Variants in NEMP2 observed in about 807,000 individuals in gnomAD.
NEMP2 encodes UPF0571 transmembrane protein.
Under a neutral mutation model 54.2 loss-of-function variants are expected in NEMP2, and 53 were observed. That is an observed-to-expected ratio of 0.98 (90% CI 0.78 to 1.23). NEMP2 has a LOEUF of 1.23. Ranked by LOEUF, NEMP2 falls within the 50% of genes most tolerant of loss-of-function variation. The pLI is 0.00. For synonymous variants in NEMP2, 197 were observed against 190.3 expected (o/e 1.04, Z -0.29); for missense variants, 455 against 511.3 (o/e 0.89, Z 1.06).
At chr2:190,596,041 CAT>C in the NEMP2 span, among the ~76,000 whole-genome samples, 1 of 152,100 alleles carries the variant, frequency 6.6e-6, no homozygotes, top group Non-Finnish European at 1.5e-5. This position sits in a 1 kb window ranked among gnomAD's most constrained non-coding sequence, Gnocchi z 5.1. Context: ...AAATGTGGCA[CAT>C]ATACACCATG....
At chr2:190,501,545 A>G (rs935036163), downstream of NEMP2, 1 of 152,220 alleles carries the variant, frequency 6.6e-6, no homozygotes. Context: ...ATAATTTATA[A>G]TAGCTGTGGA....
At position 190,513,357 on chromosome 2, in the gene NEMP2, A is replaced by G. The variant is rs1189700647; in HGVS notation, c.953+1096T>C. Reference sequence around the variant, plus strand: ...TTCCCACACATGAGCAATCAGCTCAAGCTGAGTGGTAACAGCCCCGTTTTC... The same window carrying G: ...TTCCCACACATGAGCAATCAGCTCAGGCTGAGTGGTAACAGCCCCGTTTTC... On this transcript the variant is annotated intron_variant, in intron 7 of 8. Coordinates refer to ENST00000409150, the MANE Select transcript of NEMP2 (RefSeq NM_001142645.2). The surrounding 1 kb of genome is among the most constrained non-coding windows in gnomAD (Gnocchi z 5.3). Among the ~76,000 whole-genome samples the G allele has an allele frequency of 2.6e-5, 4 of 152,354 alleles. No individual in the cohort carries two copies. The highest frequency in any genetic ancestry group is 9.6e-5 in the African/African-American group (4 of 41,586).
chr2:190,602,355 G>A, the NEMP2 span, among the ~76,000 whole-genome samples: 2 of 152,220 alleles, frequency 1.3e-5, no homozygotes, highest in African/African-American at 4.8e-5. Flanking sequence ...CAGACTGGAG[G>A]AGAATTCCTT....
the NEMP2 span, among the ~76,000 whole-genome samples, chr2:190,461,567 A>G: frequency 6.6e-6 from 1 of 152,200 alleles, no homozygotes; most frequent in African/African-American, 2.4e-5. This position sits in a 1 kb window ranked among gnomAD's most constrained non-coding sequence, Gnocchi z 5.5. Flanking sequence ...GCAAGATCAA[A>G]GTGTTGGCAG....
At chr2:190,578,997 C>A in the NEMP2 span, among the ~76,000 whole-genome samples, 28 of 152,136 alleles carry the variant, frequency 1.8e-4, no homozygotes, top group Admixed American at 1.8e-3. This position sits in a 1 kb window ranked among gnomAD's most constrained non-coding sequence, Gnocchi z 4.4. Flanking sequence ...CACCCTGATG[C>A]GTGCTCTTTC....
chr2:190,482,906 A>G, the NEMP2 span, among the ~76,000 whole-genome samples: 2 of 13,798 alleles, frequency 1.4e-4, no homozygotes, highest in East Asian at 4.5e-3. Context: ...TTTTTTTTAG[A>G]CGGAGTCTCA....
At chr2:190,584,241 T>A in the NEMP2 span, among the ~76,000 whole-genome samples, 1 of 152,290 alleles carries the variant, frequency 6.6e-6, no homozygotes, top group South Asian at 2.1e-4. The surrounding 1 kb of genome is among the most constrained non-coding windows in gnomAD (Gnocchi z 4.2). Context: ...AAAGGTTTTT[T>A]TCTGCAATCA....
the NEMP2 span, among the ~76,000 whole-genome samples, chr2:190,605,462 C>T: frequency 0.26 from 39,504 of 151,842 alleles, 5,701 homozygotes; most frequent in African/African-American, 0.37. Flanking sequence ...GCAACCTTCA[C>T]CTCCCAGGTT....
chr2:190,634,048 G>A, the NEMP2 span, among the ~76,000 whole-genome samples: 3 of 151,870 alleles, frequency 2.0e-5, no homozygotes, highest in African/African-American at 4.8e-5. The surrounding 1 kb of genome is among the most constrained non-coding windows in gnomAD (Gnocchi z 6.8). Flanking sequence ...CTCCAGCCTG[G>A]GCAACAAAGC....
chr2:190,445,162 C>A, the NEMP2 span, among the ~76,000 whole-genome samples: 3 of 152,088 alleles, frequency 2.0e-5, no homozygotes, highest in Middle Eastern at 3.2e-3. Context: ...CAGTTTTATT[C>A]ATCTGTAAAT....
At chr2:190,599,861 TC>T in the NEMP2 span, among the ~76,000 whole-genome samples, 1 of 151,944 alleles carries the variant, frequency 6.6e-6, no homozygotes, top group Non-Finnish European at 1.5e-5. Flanking sequence ...CAGTGCCCCA[TC>T]CCCCCATCCC....
In NEMP2 at chr2:190,507,085, AC is replaced by A. The variant is rs978184123; in HGVS notation, c.*2103del. 6.6e-6 allele frequency: 1 copy of A among 152,198 alleles called. No homozygotes were observed. Among genetic ancestry groups the A allele is most frequent in the Non-Finnish European group, 1.5e-5 (1 of 68,016 alleles). The allele number at this position is 152,198 out of a possible 1,614,324, so 9.4% of individuals were successfully genotyped here. On this transcript the variant is annotated 3_prime_UTR_variant, in exon 9 of 9. Coordinates refer to ENST00000409150, the MANE Select transcript of NEMP2 (RefSeq NM_001142645.2). This position sits in a 1 kb window ranked among gnomAD's most constrained non-coding sequence, Gnocchi z 4.4. ...AGAATTGTGATCAGTACTATAATACACCCCCAAATCAAATGAAAACAACATA... is the reference window on the plus strand; with the variant it reads ...AGAATTGTGATCAGTACTATAATACACCCCAAATCAAATGAAAACAACATA...
At chr2:190,439,643 T>C in the NEMP2 span, among the ~76,000 whole-genome samples, 1 of 152,226 alleles carries the variant, frequency 6.6e-6, no homozygotes, top group African/African-American at 2.4e-5. This position sits in a 1 kb window ranked among gnomAD's most constrained non-coding sequence, Gnocchi z 5.8. Context: ...CAAAATTCAC[T>C]TAACCTTAAT....
At chr2:190,424,217 G>T in the NEMP2 span, among the ~76,000 whole-genome samples, 1 of 147,658 alleles carries the variant, frequency 6.8e-6, no homozygotes, top group South Asian at 2.1e-4. This position sits in a 1 kb window ranked among gnomAD's most constrained non-coding sequence, Gnocchi z 5.9. Context: ...AGCACTAGAG[G>T]CTAAAGATTT....
the NEMP2 span, among the ~76,000 whole-genome samples, chr2:190,478,760 T>C: frequency 6.6e-6 from 1 of 152,106 alleles, no homozygotes; most frequent in Admixed American, 6.5e-5. Flanking sequence ...CTTTCATCAT[T>C]GGGCATCTTG....
chr2:190,586,286 C>T, the NEMP2 span, among the ~76,000 whole-genome samples: 1 of 152,146 alleles, frequency 6.6e-6, no homozygotes, highest in Non-Finnish European at 1.5e-5. The surrounding 1 kb of genome is among the most constrained non-coding windows in gnomAD (Gnocchi z 4.5). Context: ...GATTGATACT[C>T]AATGATGAAT....
At chr2:190,511,923 T>C (rs1012110408) in intron 7 of NEMP2, among the ~76,000 whole-genome samples, 1 of 150,814 alleles carries the variant, frequency 6.6e-6, no homozygotes, top group South Asian at 2.1e-4. Context: ...TAACCAGAGA[T>C]TTTGAAATAT....
the NEMP2 span, chr2:190,436,314 G>A: frequency 1.2e-6 from 2 of 1,614,146 alleles, no homozygotes; most frequent in Admixed American, 1.7e-5. This position sits in a 1 kb window ranked among gnomAD's most constrained non-coding sequence, Gnocchi z 5.3. Flanking sequence ...ATTACAAACA[G>A]CTGGGAATGT....
chr2:190,499,911 C>T (rs903968554), downstream of NEMP2: 37 of 1,576,344 alleles, frequency 2.3e-5, no homozygotes, highest in African/African-American at 4.1e-5. This position sits in a 1 kb window ranked among gnomAD's most constrained non-coding sequence, Gnocchi z 6.0. Flanking sequence ...TGGGCACTTC[C>T]GGATGATCTC....
Sources: gnomAD v4.1 joint callset for allele counts (sites outside exome capture counted in the v4.1 genomes callset) on GRCh38, gnomAD v4.1.1 for gene constraint, Gnocchi (gnomAD v3.1) non-coding constraint, MANE v1.5 for transcripts, NCBI Gene and HGNC (gene_info 2026-07-23, HGNC 2026-07-21) for gene names.